Variants in TMEM17 observed in about 807,000 individuals in gnomAD.
TMEM17 encodes the protein transmembrane protein 17.
A neutral mutation model predicts 19.1 loss-of-function variants in TMEM17; 15 were observed. The observed-to-expected ratio is 0.78, with a 90% CI of 0.52 to 1.21. The LOEUF is 1.21. Among genes scored for constraint, TMEM17 ranks in the 50% most tolerant of loss-of-function variants. TMEM17 has a pLI of 0.00. For missense variants in TMEM17, 245 were observed against 242.3 expected (o/e 1.01, Z -0.07); for synonymous variants, 103 against 86.9 (o/e 1.19, Z -1.03).
chr2:62,498,731 TA>T (rs1371952307), downstream of TMEM17, among the ~76,000 whole-genome samples: 2 of 148,336 alleles, frequency 1.3e-5, no homozygotes, highest in Non-Finnish European at 3.0e-5. Context: ...TAAAATAAAA[TA>T]AAATAAAATA....
chr2:62,482,294 T>C, the TMEM17 span, among the ~76,000 whole-genome samples: 10 of 152,214 alleles, frequency 6.6e-5, no homozygotes, highest in East Asian at 3.8e-4. Flanking sequence ...TAGTAAATTA[T>C]TGTTCTGCAA....
At chr2:62,469,616 T>C in the TMEM17 span, among the ~76,000 whole-genome samples, 1 of 152,256 alleles carries the variant, frequency 6.6e-6, no homozygotes, top group African/African-American at 2.4e-5. Context: ...GCCTGTTGCC[T>C]GTTGCCAGGT....
the TMEM17 span, among the ~76,000 whole-genome samples, chr2:62,454,079 C>G: frequency 3.9e-5 from 6 of 152,170 alleles, no homozygotes; most frequent in African/African-American, 1.4e-4. Flanking sequence ...TGTAAGCTGG[C>G]CTTAGCGTTT....
the TMEM17 span, among the ~76,000 whole-genome samples, chr2:62,485,773 C>A: frequency 2.6e-5 from 4 of 152,282 alleles, no homozygotes; most frequent in South Asian, 8.3e-4. Flanking sequence ...TATTTGCTGT[C>A]ATTCTTTGGC....
chr2:62,473,104 T>C, the TMEM17 span, among the ~76,000 whole-genome samples: 7 of 152,326 alleles, frequency 4.6e-5, no homozygotes, highest in South Asian at 6.2e-4. Flanking sequence ...TGATTTACTA[T>C]CCCCTCCCTC....
the TMEM17 span, among the ~76,000 whole-genome samples, chr2:62,455,557 A>C: frequency 2.0e-5 from 3 of 152,254 alleles, no homozygotes; most frequent in Non-Finnish European, 4.4e-5. Context: ...ACCAGAGGTC[A>C]GGAGTTCAAG....
the TMEM17 span, among the ~76,000 whole-genome samples, chr2:62,454,989 G>A: frequency 6.6e-6 from 1 of 152,362 alleles, no homozygotes; most frequent in African/African-American, 2.4e-5. Context: ...ACAGGCGTGA[G>A]CCACTGTGCC....
At chr2:62,472,231 A>T in the TMEM17 span, among the ~76,000 whole-genome samples, 1 of 152,356 alleles carries the variant, frequency 6.6e-6, no homozygotes, top group East Asian at 1.9e-4. Flanking sequence ...TTTCCAACAA[A>T]AGCTCTGAAA....
At chr2:62,496,692 T>C (rs1371814585), downstream of TMEM17, among the ~76,000 whole-genome samples, 1 of 152,244 alleles carries the variant, frequency 6.6e-6, no homozygotes, top group Non-Finnish European at 1.5e-5. Context: ...AATCTTGTGA[T>C]CCTATTCCTT....
In TMEM17 at chr2:62,501,619, T is replaced by C. The variant is rs189961402; in HGVS notation, c.319-132A>G. 87 of 881,298 alleles carry C rather than the reference T, an allele frequency of 9.9e-5. No homozygotes were observed. The African/African-American group carries it at 1.3e-3, about 13-fold the overall frequency. The allele number at this position is 881,298 out of a possible 1,614,324, so 54.6% of individuals were successfully genotyped here. On this transcript the variant is annotated intron_variant, in intron 3 of 3. Transcript: ENST00000335390. Reference sequence around the variant, plus strand: ...TGAGTGATTCCAAAGGAGGATGACATGGTCCTTGTCCTCAGAGAACTTACA... The same window carrying C: ...TGAGTGATTCCAAAGGAGGATGACACGGTCCTTGTCCTCAGAGAACTTACA...
the TMEM17 span, among the ~76,000 whole-genome samples, chr2:62,467,652 G>T: frequency 6.6e-6 from 1 of 152,176 alleles, no homozygotes; most frequent in African/African-American, 2.4e-5. Context: ...CAAACTGCGT[G>T]TCCCTTTGGT....
the TMEM17 span, among the ~76,000 whole-genome samples, chr2:62,474,496 AC>A: frequency 2.0e-5 from 3 of 152,342 alleles, no homozygotes; most frequent in African/African-American, 7.2e-5. Context: ...TAACGTTCCT[AC>A]ATAAAATAGC....
At chr2:62,484,433 A>G in the TMEM17 span, among the ~76,000 whole-genome samples, 22 of 152,300 alleles carry the variant, frequency 1.4e-4, no homozygotes, top group African/African-American at 5.1e-4. Flanking sequence ...TTCTCTTATC[A>G]GCCACTATCA....
At chr2:62,503,887 G>T (rs1679998267) in intron 1 of TMEM17, among the ~76,000 whole-genome samples, 1 of 152,188 alleles carries the variant, frequency 6.6e-6, no homozygotes, top group African/African-American at 2.4e-5. Context: ...TTTACCTAAG[G>T]TTGATTCCAT....
intron 1 of TMEM17, among the ~76,000 whole-genome samples, chr2:62,503,923 A>G (rs114276928): frequency 0.022 from 3,313 of 152,314 alleles, 102 homozygotes; most frequent in African/African-American, 0.075. Context: ...TATGTAAGAG[A>G]GCAGGGTCCT....
chr2:62,500,139 G>T (rs1679881468), downstream of TMEM17: 1 of 152,176 alleles, frequency 6.6e-6, no homozygotes, highest in Admixed American at 6.5e-5. Flanking sequence ...TCTAGGATTT[G>T]TTTTCCTTCC....
chr2:62,479,213 C>A, the TMEM17 span, among the ~76,000 whole-genome samples: 21 of 152,196 alleles, frequency 1.4e-4, no homozygotes, highest in Non-Finnish European at 1.5e-5. Flanking sequence ...CTGCTTATCA[C>A]TGTCTTTCCC....
At chr2:62,476,737 G>A in the TMEM17 span, among the ~76,000 whole-genome samples, 11 of 152,304 alleles carry the variant, frequency 7.2e-5, no homozygotes, top group Admixed American at 7.2e-4. Context: ...TGGACAAGGG[G>A]AATTTAGAAA....
At chr2:62,491,940 A>AT in the TMEM17 span, among the ~76,000 whole-genome samples, 2 of 151,260 alleles carry the variant, frequency 1.3e-5, no homozygotes, top group Non-Finnish European at 2.9e-5. Flanking sequence ...AAAAAAAAAA[A>AT]CTCCAAAAAA....
Sources: gnomAD v4.1 joint callset for allele counts (sites outside exome capture counted in the v4.1 genomes callset) on GRCh38, gnomAD v4.1.1 for gene constraint, MANE v1.5 for transcripts, NCBI Gene and HGNC (gene_info 2026-07-23, HGNC 2026-07-21) for gene names.